Variants in CCSER1 observed in about 807,000 individuals in gnomAD.
CCSER1 encodes the protein serine-rich coiled-coil domain-containing protein 1.
Under a neutral mutation model 82.0 loss-of-function variants are expected in CCSER1, and 41 were observed. That is an observed-to-expected ratio of 0.50 (90% CI 0.39 to 0.65). CCSER1 has a LOEUF of 0.65. Among genes scored for constraint, CCSER1 ranks in the 30% least tolerant of loss-of-function variants. The pLI, the probability that CCSER1 is intolerant of heterozygous loss-of-function variation, is 0.00. For missense variants in CCSER1, 1,119 were observed against 1,064.2 expected, an observed-to-expected ratio of 1.05 and a Z score of -0.72; for synonymous variants, 414 against 383.9, an observed-to-expected ratio of 1.08 and a Z score of -0.92.
At chr4:90,202,179 T>TCTTGGATGTA (rs1352546887) in intron 1 of CCSER1, among the ~76,000 whole-genome samples, 1 of 150,240 alleles carries the variant, frequency 6.7e-6, no homozygotes, top group Non-Finnish European at 1.5e-5. Flanking sequence ...TTTCTTGGAT[T>TCTTGGATGTA]CTTGGATGTA....
intron 10 of CCSER1, among the ~76,000 whole-genome samples, chr4:91,508,339 T>G (rs1759637698): frequency 6.6e-6 from 1 of 151,800 alleles, no homozygotes; most frequent in South Asian, 2.1e-4. Context: ...ATCCAATATC[T>G]TATAGCATCT....
intron 3 of CCSER1, among the ~76,000 whole-genome samples, chr4:90,343,602 T>G (rs548044105): frequency 1.1e-4 from 17 of 152,018 alleles, no homozygotes; most frequent in Non-Finnish European, 2.1e-4. Context: ...GGCGACAGAG[T>G]GAGACCCTGT....
At chr4:91,033,455 A>T (rs1373376007) in intron 9 of CCSER1, among the ~76,000 whole-genome samples, 1 of 152,182 alleles carries the variant, frequency 6.6e-6, no homozygotes, top group African/African-American at 2.4e-5. Context: ...CTTCTGTCTG[A>T]AACCAGCCTG....
At chr4:90,996,084 G>A (rs1311391967) in intron 9 of CCSER1, among the ~76,000 whole-genome samples, 2 of 151,914 alleles carry the variant, frequency 1.3e-5, no homozygotes, top group Non-Finnish European at 2.9e-5. Context: ...AATAATAAAA[G>A]GAATGAATAT....
chr4:90,592,084 G>C (rs886986932), intron 5 of CCSER1, among the ~76,000 whole-genome samples: 1 of 152,056 alleles, frequency 6.6e-6, no homozygotes, highest in Admixed American at 6.6e-5. Flanking sequence ...CCTAATGCAC[G>C]CAGGGCTTAA....
chr4:90,532,776 G>A (rs963456754), intron 5 of CCSER1, among the ~76,000 whole-genome samples: 1 of 151,944 alleles, frequency 6.6e-6, no homozygotes, highest in African/African-American at 2.4e-5. Context: ...GGATATTTTT[G>A]TAGCTTTATA....
chr4:90,652,823 T>A (rs1305440008), intron 6 of CCSER1, among the ~76,000 whole-genome samples: 1 of 115,742 alleles, frequency 8.6e-6, no homozygotes, highest in Non-Finnish European at 1.9e-5. Flanking sequence ...CTTTTTCCCA[T>A]AACCTGTCTT....
At chr4:90,214,916 G>A (rs1213441242) in intron 1 of CCSER1, among the ~76,000 whole-genome samples, 1 of 151,982 alleles carries the variant, frequency 6.6e-6, no homozygotes, top group African/African-American at 2.4e-5. Context: ...TTTTAATATA[G>A]CATTCCTGTT....
chr4:91,033,971 A>G (rs997234372), intron 9 of CCSER1, among the ~76,000 whole-genome samples: 2 of 152,170 alleles, frequency 1.3e-5, no homozygotes, highest in African/African-American at 2.4e-5. Flanking sequence ...AGGCAATAAG[A>G]GCTCAATTGT....
chr4:91,373,417 T>G (rs1450321830), intron 10 of CCSER1, among the ~76,000 whole-genome samples: 1 of 152,188 alleles, frequency 6.6e-6, no homozygotes, highest in Non-Finnish European at 1.5e-5. Flanking sequence ...TCTCCCAATA[T>G]TTAAAACTCT....
At chr4:91,073,067 G>A (rs1485063750) in intron 9 of CCSER1, among the ~76,000 whole-genome samples, 2 of 151,906 alleles carry the variant, frequency 1.3e-5, no homozygotes, top group Non-Finnish European at 2.9e-5. Context: ...TTTTAAATGG[G>A]ACGTGAACAA....
At chr4:91,433,097 A>G (rs1754425084) in intron 10 of CCSER1, among the ~76,000 whole-genome samples, 2 of 152,146 alleles carry the variant, frequency 1.3e-5, no homozygotes, top group African/African-American at 4.8e-5. Flanking sequence ...ACTCTTTATT[A>G]TATTGATTAC....
chr4:90,719,195 C>T (rs531656127), intron 6 of CCSER1, among the ~76,000 whole-genome samples: 2 of 152,076 alleles, frequency 1.3e-5, no homozygotes, highest in Non-Finnish European at 2.9e-5. Context: ...TTCAGATCAG[C>T]TGCGGCATTA....
intron 7 of CCSER1, among the ~76,000 whole-genome samples, chr4:90,812,566 G>A (rs1292019151): frequency 6.6e-6 from 1 of 152,100 alleles, no homozygotes; most frequent in African/African-American, 2.4e-5. Context: ...ATTGGTTTGA[G>A]AATTAATATT....
At position 91,012,214 on chromosome 4, in the gene CCSER1, C is replaced by G. The variant is rs1178207403; in HGVS notation, c.2173-73736C>G. Among the ~76,000 whole-genome samples the G allele has an allele frequency of 1.5e-5, 2 of 134,472 alleles. 1 individual carries two copies. The highest frequency in any genetic ancestry group is 5.0e-5 in the African/African-American group (2 of 40,344). 88.2% of individuals were successfully genotyped at this position (134,472 alleles called of 152,430 possible). Reference sequence around the variant, plus strand: ...GGTACAGTACAGCTTTACTCAGGCACAGGGTAGTGTGAATGCTCTTTGCAG... The same window carrying G: ...GGTACAGTACAGCTTTACTCAGGCAGAGGGTAGTGTGAATGCTCTTTGCAG... On this transcript the variant is annotated intron_variant, in intron 9 of 10. Transcript: ENST00000509176.
At chr4:90,219,448 T>C (rs373745313) in intron 1 of CCSER1, among the ~76,000 whole-genome samples, 3 of 152,300 alleles carry the variant, frequency 2.0e-5, no homozygotes, top group East Asian at 3.9e-4. Flanking sequence ...TCAGGGCTTA[T>C]TTTTCACACT....
chr4:91,307,501 A>G (rs1745154549), intron 10 of CCSER1, among the ~76,000 whole-genome samples: 1 of 151,968 alleles, frequency 6.6e-6, no homozygotes, highest in African/African-American at 2.4e-5. Flanking sequence ...AATTGTAAGC[A>G]AGTTTATTTT....
At chr4:91,582,733 C>G (rs1316217079) in intron 10 of CCSER1, among the ~76,000 whole-genome samples, 1 of 151,310 alleles carries the variant, frequency 6.6e-6, no homozygotes, top group Non-Finnish European at 1.5e-5. Context: ...ATCTGTCTAT[C>G]AATCAATCAA....
intron 4 of CCSER1, among the ~76,000 whole-genome samples, chr4:90,410,292 C>T (rs576469854): frequency 6.6e-6 from 1 of 152,328 alleles, no homozygotes; most frequent in East Asian, 1.9e-4. Flanking sequence ...TAATAGTCAT[C>T]TGCAGAACTC....
Sources: allele counts gnomAD v4.1 joint callset (sites outside exome capture counted in the v4.1 genomes callset), GRCh38; gene constraint gnomAD v4.1.1; transcripts MANE v1.5; gene names NCBI Gene and HGNC (gene_info 2026-07-23, HGNC 2026-07-21).